The following ASPH variants were observed in gnomAD, a reference collection of about 807,000 sequenced individuals.
ASPH encodes aspartate beta-hydroxylase.
Under a neutral mutation model 118.4 loss-of-function variants are expected in ASPH, and 100 were observed. The ratio of observed to expected loss-of-function variants is 0.84; its 90% CI spans 0.72 to 1.00. ASPH has a LOEUF of 1.00. ASPH is among the 50% of genes least tolerant of loss of function. The pLI is 0.00. For synonymous variants in ASPH, 315 were observed against 325.6 expected (o/e 0.97, Z 0.35); for missense variants, 920 against 919.5 (o/e 1.00, Z -0.01).
At chr8:61,654,155 A>G (rs978118642) in intron 3 of ASPH, among the ~76,000 whole-genome samples, 2 of 152,200 alleles carry the variant, frequency 1.3e-5, no homozygotes, top group Non-Finnish European at 2.9e-5. Context: ...TTATCATCTA[A>G]AGGAAACCCC....
chr8:61,597,488 A>G (rs1183802957), intron 14 of ASPH, among the ~76,000 whole-genome samples: 4 of 152,240 alleles, frequency 2.6e-5, no homozygotes, highest in Non-Finnish European at 4.4e-5. Context: ...ATAGCTTTCA[A>G]ACTTCTCAAA....
chr8:61,668,886 A>G (rs1334434151), intron 3 of ASPH, among the ~76,000 whole-genome samples: 1 of 152,212 alleles, frequency 6.6e-6, no homozygotes, highest in East Asian at 1.9e-4. Flanking sequence ...TTCTGATAAT[A>G]GATTTATTTT....
Position 61,523,304 on chromosome 8 carries a change from TTTTC to T in ASPH, c.1900+2669_1900+2672del, listed in dbSNP as rs142232867. ...ATAGTACTTGCCATCACACTTATTA[TTTTC>T]TTTCTTTCTTTCTTTTTTTTTTTTT... On this transcript the variant is annotated intron_variant, in intron 22 of 24. Transcript: ENST00000379454. 2.9e-3 allele frequency among the ~76,000 whole-genome samples: 406 copies of T among 139,548 alleles called. 6 individuals carry two copies. Among genetic ancestry groups the T allele is most frequent in the Non-Finnish European group, 4.0e-3 (258 of 64,314 alleles). 91.5% of individuals were successfully genotyped at this position (139,548 alleles called of 152,430 possible).
intron 20 of ASPH, among the ~76,000 whole-genome samples, chr8:61,550,497 GAGAC>G (rs1369292203): frequency 2.0e-5 from 3 of 150,790 alleles, no homozygotes; most frequent in Non-Finnish European, 4.4e-5. Flanking sequence ...GAGAGAGAGA[GAGAC>G]AGAGACAGAA....
chr8:61,559,943 G>C (rs754386969), intron 18 of ASPH, among the ~76,000 whole-genome samples: 60 of 1,644 alleles, frequency 0.036, no homozygotes, highest in Non-Finnish European at 0.059. Flanking sequence ...GTGAGGGTTG[G>C]GGGGGGGAGC....
intron 16 of ASPH, among the ~76,000 whole-genome samples, chr8:61,573,830 A>G (rs1410230161): frequency 6.6e-6 from 1 of 152,244 alleles, no homozygotes; most frequent in Non-Finnish European, 1.5e-5. Context: ...AATGGTAACA[A>G]AAGCCAAAAT....
At chr8:61,579,766 C>A (rs1836805350) in intron 15 of ASPH, 7 of 809,004 alleles carry the variant, frequency 8.7e-6, no homozygotes, top group Non-Finnish European at 8.6e-6. Flanking sequence ...GAACAGGAGA[C>A]CCACCTGAGG....
chr8:61,514,898 A>G (rs537918181), intron 24 of ASPH, among the ~76,000 whole-genome samples: 1 of 151,754 alleles, frequency 6.6e-6, no homozygotes, highest in African/African-American at 2.4e-5. Context: ...ATTTTGTTCC[A>G]AGTATCTACA....
intron 21 of ASPH, among the ~76,000 whole-genome samples, chr8:61,542,656 C>A (rs1822369719): frequency 6.6e-6 from 1 of 152,078 alleles, no homozygotes. Flanking sequence ...CATATATTAT[C>A]CCTTTTATGT....
chr8:61,648,916 G>A (rs1283931556), intron 5 of ASPH, among the ~76,000 whole-genome samples: 1 of 152,166 alleles, frequency 6.6e-6, no homozygotes, highest in Non-Finnish European at 1.5e-5. Context: ...TGGGCGGGGT[G>A]GGAAACACAT....
At chr8:61,696,276 C>G (rs1833912220) in intron 1 of ASPH, among the ~76,000 whole-genome samples, 2 of 152,140 alleles carry the variant, frequency 1.3e-5, no homozygotes, top group African/African-American at 2.4e-5. Flanking sequence ...CTTAGGAAAA[C>G]AAAATTGAGA....
intron 3 of ASPH, among the ~76,000 whole-genome samples, chr8:61,668,432 G>A (rs1250171914): frequency 6.6e-6 from 1 of 152,010 alleles, no homozygotes; most frequent in Non-Finnish European, 1.5e-5. Context: ...TCTCTTATTT[G>A]TCACTTTAAA....
intron 12 of ASPH, among the ~76,000 whole-genome samples, chr8:61,637,636 C>T (rs929391386): frequency 6.6e-6 from 1 of 152,202 alleles, no homozygotes; most frequent in Non-Finnish European, 1.5e-5. Context: ...CACCAGATCA[C>T]CCCTCAGGGG....
chr8:61,526,922 G>A (rs746974355), intron 21 of ASPH, among the ~76,000 whole-genome samples: 6 of 152,182 alleles, frequency 3.9e-5, no homozygotes, highest in Non-Finnish European at 8.8e-5. Context: ...TTTCCATCAG[G>A]AGACAAGCAT....
Position 61,684,191 on chromosome 8 carries a change from G to C in ASPH, c.104-3C>G. 1 of 1,605,616 alleles carries C rather than the reference G, an allele frequency of 6.2e-7. No homozygotes were observed. The highest frequency in any genetic ancestry group is 8.5e-7 in the Non-Finnish European group (1 of 1,176,374). On this transcript the variant is annotated splice_polypyrimidine_tract_variant and splice_region_variant and intron_variant, in intron 1 of 24. Transcript: ENST00000379454. ...CTTGTGTCCTCCATGCTTTGTCTCT[G>C]TTTAGAAATAAATGTAAGATATCAT...
intron 1 of ASPH, among the ~76,000 whole-genome samples, chr8:61,694,330 T>C (rs1833419426): frequency 6.6e-6 from 1 of 152,124 alleles, no homozygotes. Context: ...CTAGCCCCCA[T>C]GTCATCTTGC....
At chr8:61,522,728 C>A (rs561257323) in intron 22 of ASPH, among the ~76,000 whole-genome samples, 3 of 152,312 alleles carry the variant, frequency 2.0e-5, no homozygotes, top group South Asian at 2.1e-4. Context: ...GAGGCCTCCC[C>A]AGTCATGTGG....
chr8:61,503,418 C>G lies in ASPH; in HGVS notation c.2218G>C (p.Val740Leu), dbSNP rs762826838. The G allele has an allele frequency of 6.2e-7, 1 of 1,612,942 alleles. No individual in the cohort carries two copies. The highest frequency in any genetic ancestry group is 8.5e-7 in the Non-Finnish European group (1 of 1,179,674). Reference protein sequence around the residue: ...DASSFRLIFIVDVWHPELTPQ... With the variant: ...DASSFRLIFILDVWHPELTPQ... Reference sequence around the variant, plus strand: ...GTCAGTTCCGGATGCCACACATCCACGATGAATATCAGCCGGAAAGATGAG... The same window carrying G: ...GTCAGTTCCGGATGCCACACATCCAGGATGAATATCAGCCGGAAAGATGAG... The change falls in exon 25 of 25, where the codon GTG becomes CTG. Residue 740 changes from valine to leucine, a missense_variant. Transcript: ENST00000379454.
At chr8:61,567,041 C>A (rs560451234) in intron 17 of ASPH, 127 bp downstream of exon 17, 24 of 1,190,504 alleles carry the variant, frequency 2.0e-5, no homozygotes, top group Admixed American at 2.7e-5. Flanking sequence ...AGACACATTA[C>A]TTGAAATCAG....
Sources: allele counts gnomAD v4.1 joint callset (sites outside exome capture counted in the v4.1 genomes callset), GRCh38; gene constraint gnomAD v4.1.1; transcripts MANE v1.5; gene names NCBI Gene and HGNC (gene_info 2026-07-23, HGNC 2026-07-21).